The following PPARGC1A variants were observed in gnomAD, a reference collection of about 807,000 sequenced individuals.
PPARGC1A encodes PPARG coactivator 1 alpha, also known as peroxisome proliferator-activated receptor gamma coactivator 1-alpha.
Under a neutral mutation model 88.7 loss-of-function variants are expected in PPARGC1A, and 25 were observed. The ratio of observed to expected loss-of-function variants is 0.28; its 90% CI spans 0.21 to 0.39. PPARGC1A has a LOEUF of 0.39. Among genes scored for constraint, PPARGC1A ranks in the 10% least tolerant of loss-of-function variants. The pLI, the probability that PPARGC1A is intolerant of heterozygous loss-of-function variation, is 1.00. For missense variants in PPARGC1A, 880 were observed against 968.7 expected (o/e 0.91, Z 1.22); for synonymous variants, 363 against 355.6 (o/e 1.02, Z -0.24).
chr4:23,805,620 C>A (rs1253616406), intron 10 of PPARGC1A, among the ~76,000 whole-genome samples: 2 of 152,174 alleles, frequency 1.3e-5, no homozygotes, highest in African/African-American at 2.4e-5. Flanking sequence ...GCAAGGGAAT[C>A]ATAACACCAC....
chr4:23,857,978 TCTAAATTATAAAAACAACTACTATGG>T (rs1374227398), intron 2 of PPARGC1A, among the ~76,000 whole-genome samples: 2 of 151,620 alleles, frequency 1.3e-5, no homozygotes, highest in African/African-American at 2.4e-5. Context: ...ACCAAAGAAC[TCTAAATTATAAAAACAACTACTATGG>T]CTAAATTATA....
At chr4:24,185,453 T>A in the PPARGC1A span, among the ~76,000 whole-genome samples, 1 of 152,144 alleles carries the variant, frequency 6.6e-6, no homozygotes, top group Admixed American at 6.5e-5. Context: ...GAAATGCTCA[T>A]CTATAAAATT....
chr4:23,908,187 T>C (rs1720298492), upstream of PPARGC1A, among the ~76,000 whole-genome samples: 1 of 152,220 alleles, frequency 6.6e-6, no homozygotes, highest in Non-Finnish European at 1.5e-5. Context: ...GTCTGCATTT[T>C]CCAATTTCAA....
chr4:24,026,058 A>T, the PPARGC1A span, among the ~76,000 whole-genome samples: 1 of 152,224 alleles, frequency 6.6e-6, no homozygotes, highest in African/African-American at 2.4e-5. Flanking sequence ...AGAGTTGCCA[A>T]CATTTAAAAT....
the PPARGC1A span, among the ~76,000 whole-genome samples, chr4:24,170,561 C>T: frequency 2.6e-5 from 4 of 152,162 alleles, no homozygotes; most frequent in African/African-American, 9.7e-5. Context: ...CTTCTCAGAG[C>T]CCTGCTCACT....
At chr4:23,895,694 G>T (rs189375677) in intron 1 of PPARGC1A, among the ~76,000 whole-genome samples, 2 of 152,060 alleles carry the variant, frequency 1.3e-5, no homozygotes, top group Admixed American at 1.3e-4. Context: ...GATACTACTG[G>T]TAGGATTATA....
chr4:24,266,375 G>A, the PPARGC1A span, among the ~76,000 whole-genome samples: 1 of 152,116 alleles, frequency 6.6e-6, no homozygotes, highest in African/African-American at 2.4e-5. Flanking sequence ...GATGATGCAG[G>A]TGGAAAGTAA....
the PPARGC1A span, among the ~76,000 whole-genome samples, chr4:24,298,280 C>T: frequency 1.3e-5 from 2 of 152,104 alleles, no homozygotes; most frequent in African/African-American, 4.8e-5. Flanking sequence ...TGGCTTCAGG[C>T]TCAGACTCTG....
At chr4:24,390,227 A>G in the PPARGC1A span, among the ~76,000 whole-genome samples, 2 of 152,108 alleles carry the variant, frequency 1.3e-5, no homozygotes, top group Non-Finnish European at 2.9e-5. Context: ...CAAGACAGGA[A>G]GTTAGCACTT....
At chr4:24,158,144 T>G in the PPARGC1A span, among the ~76,000 whole-genome samples, 6 of 151,048 alleles carry the variant, frequency 4.0e-5, no homozygotes, top group African/African-American at 1.5e-4. Context: ...TTGTGAGAGA[T>G]CTTTGCAATA....
At chr4:23,799,564 C>T (rs12650562) in intron 12 of PPARGC1A, among the ~76,000 whole-genome samples, 70,641 of 152,010 alleles carry the variant, frequency 0.46, 16,777 homozygotes, top group Middle Eastern at 0.59. Context: ...AAAAAAACTA[C>T]CTTTGTGCCA....
intron 3 of PPARGC1A, 24 bp downstream of exon 3, chr4:23,831,533 C>A (rs1724996659): frequency 4.4e-6 from 7 of 1,601,298 alleles, no homozygotes; most frequent in Non-Finnish European, 5.1e-6. Flanking sequence ...CCAATTCCTG[C>A]TAAACAGTAG....
chr4:23,943,269 C>G, the PPARGC1A span, among the ~76,000 whole-genome samples: 1 of 152,026 alleles, frequency 6.6e-6, no homozygotes, highest in African/African-American at 2.4e-5. Flanking sequence ...TGAATCTTTA[C>G]TTATTCAAAA....
At chr4:23,968,967 A>G in the PPARGC1A span, among the ~76,000 whole-genome samples, 1 of 152,106 alleles carries the variant, frequency 6.6e-6, no homozygotes, top group Admixed American at 6.6e-5. Flanking sequence ...GAGGCTTCAC[A>G]CTTGTCCAGA....
At chr4:24,018,453 G>C in the PPARGC1A span, among the ~76,000 whole-genome samples, 1 of 152,110 alleles carries the variant, frequency 6.6e-6, no homozygotes, top group African/African-American at 2.4e-5. Flanking sequence ...ATTTAATTCA[G>C]AGGGTAGATG....
the PPARGC1A span, among the ~76,000 whole-genome samples, chr4:23,939,333 C>T: frequency 3.9e-5 from 6 of 152,184 alleles, no homozygotes; most frequent in African/African-American, 1.4e-4. Context: ...AATGGCTCAG[C>T]CCAAATTAAA....
At chr4:24,169,818 CAG>C in the PPARGC1A span, among the ~76,000 whole-genome samples, 62 of 152,224 alleles carry the variant, frequency 4.1e-4, no homozygotes, top group African/African-American at 1.4e-3. Flanking sequence ...GCCTGGGTGA[CAG>C]AGTGACACTC....
At chr4:24,046,764 G>A in the PPARGC1A span, among the ~76,000 whole-genome samples, 9 of 152,020 alleles carry the variant, frequency 5.9e-5, no homozygotes, top group African/African-American at 1.9e-4. Flanking sequence ...GAATCTGAAC[G>A]ATAATGACAC....
chr4:24,216,047 G>A, the PPARGC1A span, among the ~76,000 whole-genome samples: 1 of 149,810 alleles, frequency 6.7e-6, no homozygotes. Flanking sequence ...TTCACCAAGT[G>A]TATTTGACAC....
Sources: gnomAD v4.1 joint callset for allele counts (sites outside exome capture counted in the v4.1 genomes callset) on GRCh38, gnomAD v4.1.1 for gene constraint, MANE v1.5 for transcripts, NCBI Gene and HGNC (gene_info 2026-07-23, HGNC 2026-07-21) for gene names.